OTC: variants seen among roughly 807,000 people sequenced by gnomAD.
OTC encodes ornithine transcarbamylase.
Under a neutral mutation model 30.3 loss-of-function variants are expected in OTC, and 3 were observed. The observed-to-expected ratio is 0.10, with a 90% CI of 0.05 to 0.26. The LOEUF (loss-of-function observed/expected upper bound fraction) is 0.26, where lower values mean the gene tolerates loss of function less well. OTC is among the 10% of genes least tolerant of loss of function. OTC has a pLI of 1.00. For synonymous variants in OTC, 111 were observed against 99.7 expected (o/e 1.11, Z -0.67); for missense variants, 194 against 260.3 (o/e 0.75, Z 1.75).
chrX:38,389,634 T>G (rs970599611), intron 4 of OTC, among the ~76,000 whole-genome samples: 20 of 110,671 alleles, frequency 1.8e-4, no homozygotes, highest in Non-Finnish European at 9.5e-5. Context: ...TCTATATTTT[T>G]GGGAAAAATG....
chrX:38,363,564 A>G (rs2068281913), intron 1 of OTC, among the ~76,000 whole-genome samples: 1 of 111,720 alleles, frequency 9.0e-6, no homozygotes. Flanking sequence ...CATTATCAGT[A>G]CTTAGTATTC....
the OTC span, among the ~76,000 whole-genome samples, chrX:38,330,780 G>T: frequency 9.0e-6 from 1 of 111,650 alleles, no homozygotes; most frequent in East Asian, 2.8e-4. Flanking sequence ...TTTTTTGGGA[G>T]CCCTCTCCAA....
intron 4 of OTC, among the ~76,000 whole-genome samples, chrX:38,386,734 G>A (rs2068405484): frequency 8.9e-6 from 1 of 112,067 alleles, no homozygotes; most frequent in South Asian, 3.7e-4. Flanking sequence ...TCCACTTATT[G>A]GCTATTGTGA....
intron 4 of OTC, among the ~76,000 whole-genome samples, chrX:38,393,834 G>A (rs2068441040): frequency 1.8e-5 from 2 of 112,287 alleles, no homozygotes; most frequent in Admixed American, 9.4e-5. Context: ...GTACAGGGCT[G>A]TGTTCCTTCT....
chrX:38,333,540 A>G, the OTC span, among the ~76,000 whole-genome samples: 1 of 111,947 alleles, frequency 8.9e-6, no homozygotes, highest in Non-Finnish European at 1.9e-5. Flanking sequence ...TTAGGAAATC[A>G]TGTTGATACA....
intron 9 of OTC, among the ~76,000 whole-genome samples, chrX:38,414,446 A>G (rs751766006): frequency 1.8e-5 from 2 of 111,712 alleles, no homozygotes; most frequent in East Asian, 5.6e-4. Flanking sequence ...CTATTATTAG[A>G]GGAAAATATT....
chrX:38,379,844 T>A (rs1368352277), intron 3 of OTC, among the ~76,000 whole-genome samples: 1 of 111,122 alleles, frequency 9.0e-6, no homozygotes, highest in Non-Finnish European at 1.9e-5. Context: ...TTAGCCAGGA[T>A]GGTCTCGATT....
At chrX:38,405,315 C>T (rs748582282) in intron 6 of OTC, among the ~76,000 whole-genome samples, 1 of 111,800 alleles carries the variant, frequency 8.9e-6, no homozygotes, top group Non-Finnish European at 1.9e-5. Flanking sequence ...TACTCTTTCA[C>T]AGTTTTGGAG....
chrX:38,362,026 C>T (rs766854580), intron 1 of OTC, among the ~76,000 whole-genome samples: 2 of 111,095 alleles, frequency 1.8e-5, no homozygotes, highest in Non-Finnish European at 3.8e-5. Flanking sequence ...TGACATAAGC[C>T]ATGAAGGACA....
intron 4 of OTC, among the ~76,000 whole-genome samples, chrX:38,394,916 A>G (rs2068447353): frequency 9.0e-6 from 1 of 110,781 alleles, no homozygotes; most frequent in Admixed American, 9.7e-5. Context: ...GGCAGAGGTA[A>G]GAAGTAATTG....
chrX:38,355,632 G>A (rs1296777488), intron 1 of OTC, among the ~76,000 whole-genome samples: 2 of 112,409 alleles, frequency 1.8e-5, no homozygotes, highest in Non-Finnish European at 3.8e-5. Flanking sequence ...CCATACACAC[G>A]TGGACATCCA....
intron 4 of OTC, among the ~76,000 whole-genome samples, chrX:38,392,896 C>T (rs1452180580): frequency 1.8e-5 from 2 of 112,391 alleles, no homozygotes; most frequent in Non-Finnish European, 1.9e-5. Context: ...TGTTTACAGT[C>T]CAATTTCATA....
At chrX:38,354,518 C>A (rs758048514) in intron 1 of OTC, among the ~76,000 whole-genome samples, 298 of 110,058 alleles carry the variant, frequency 2.7e-3, no homozygotes, top group African/African-American at 9.8e-3. Context: ...GCAAGTAAAA[C>A]CTCCTCCAAA....
chrX:38,395,790 G>T, intron 4 of OTC: 1 of 113,616 alleles, frequency 8.8e-6, no homozygotes, highest in East Asian at 2.7e-4. Context: ...CCCTCTGAAA[G>T]CCAAGTCTTC....
At chrX:38,365,977 A>T (rs1434362446) in intron 1 of OTC, among the ~76,000 whole-genome samples, 1 of 112,143 alleles carries the variant, frequency 8.9e-6, no homozygotes, top group Non-Finnish European at 1.9e-5. Context: ...AATTGTCTGT[A>T]TCAAAGACTG....
intron 3 of OTC, among the ~76,000 whole-genome samples, 170 bp downstream of exon 3, chrX:38,370,047 A>G (rs1279075303): frequency 1.8e-5 from 2 of 112,647 alleles, no homozygotes; most frequent in African/African-American, 6.5e-5. Context: ...CAGTTCTCAT[A>G]AAAGCTGCAA....
chrX:38,412,093 T>C, intron 9 of OTC, 94 bp downstream of exon 9: 1 of 873,554 alleles, frequency 1.1e-6, no homozygotes, highest in Admixed American at 2.3e-5. Flanking sequence ...AGTGAGATTA[T>C]CCAACTACAT....
intron 1 of OTC, among the ~76,000 whole-genome samples, chrX:38,353,686 A>C (rs752210384): frequency 4.5e-5 from 5 of 111,404 alleles, no homozygotes; most frequent in Non-Finnish European, 9.4e-5. Context: ...CACCATTAGC[A>C]CTACTTCTTT....
At chrX:38,384,556 A>C (rs1018408746) in intron 4 of OTC, among the ~76,000 whole-genome samples, 3 of 112,355 alleles carry the variant, frequency 2.7e-5, no homozygotes, top group Non-Finnish European at 3.8e-5. Context: ...TGCACCTTGT[A>C]ACCCTCAGCA....
Sources: allele counts gnomAD v4.1 joint callset (sites outside exome capture counted in the v4.1 genomes callset), GRCh38; gene constraint gnomAD v4.1.1; transcripts MANE v1.5; gene names NCBI Gene and HGNC (gene_info 2026-07-23, HGNC 2026-07-21).